Variants in ADAMTS6 observed in about 807,000 individuals in gnomAD.
The protein encoded by ADAMTS6 is A disintegrin and metalloproteinase with thrombospondin motifs 6.
In ADAMTS6, 23 loss-of-function variants were observed where a neutral mutation model predicts 144.3. The ratio of observed to expected loss-of-function variants is 0.16; its 90% confidence interval spans 0.11 to 0.23. ADAMTS6 has a LOEUF of 0.23. Among genes scored for constraint, ADAMTS6 ranks in the 10% least tolerant of loss-of-function variants. ADAMTS6 has a pLI of 1.00. For missense variants in ADAMTS6, 999 were observed against 1,379.6 expected (o/e 0.72, Z 4.37); for synonymous variants, 444 against 457.5 (o/e 0.97, Z 0.38).
intron 7 of ADAMTS6, among the ~76,000 whole-genome samples, chr5:65,431,169 T>C (rs950431232): frequency 2.0e-5 from 3 of 152,166 alleles, no homozygotes; most frequent in Non-Finnish European, 4.4e-5. Context: ...AATTTCCCTA[T>C]TACTTTTTCC....
intron 24 of ADAMTS6, among the ~76,000 whole-genome samples, chr5:65,158,920 C>A (rs1322710581): frequency 6.6e-6 from 1 of 152,056 alleles, no homozygotes; most frequent in Non-Finnish European, 1.5e-5. Context: ...TCTTCAATCT[C>A]TCTCAATTTA....
chr5:65,169,938 A>G (rs1429550057), intron 24 of ADAMTS6, among the ~76,000 whole-genome samples: 4 of 150,984 alleles, frequency 2.6e-5, no homozygotes, highest in Non-Finnish European at 5.9e-5. Context: ...CTAATGCTAG[A>G]TGATGAGTTA....
At chr5:65,243,259 C>CT in intron 14 of ADAMTS6, among the ~76,000 whole-genome samples, 1 of 152,186 alleles carries the variant, frequency 6.6e-6, no homozygotes, top group South Asian at 2.1e-4. Context: ...TGTTTTGAGG[C>CT]TTTTTACTAC....
At chr5:65,418,406 A>G (rs951229523) in intron 7 of ADAMTS6, among the ~76,000 whole-genome samples, 39 of 152,248 alleles carry the variant, frequency 2.6e-4, no homozygotes, top group African/African-American at 9.4e-4. Flanking sequence ...ACAAACAGCA[A>G]AAAAAACTAT....
chr5:65,339,243 T>A (rs1300927737), intron 7 of ADAMTS6, among the ~76,000 whole-genome samples: 1 of 152,084 alleles, frequency 6.6e-6, no homozygotes, highest in Non-Finnish European at 1.5e-5. Context: ...CAAACACCAC[T>A]AATGTGAATT....
At chr5:65,211,273 C>A (rs1756514022) in intron 20 of ADAMTS6, among the ~76,000 whole-genome samples, 1 of 152,146 alleles carries the variant, frequency 6.6e-6, no homozygotes, top group Admixed American at 6.5e-5. Flanking sequence ...GATTCCTGCA[C>A]TCTATATCCT....
intron 2 of ADAMTS6, among the ~76,000 whole-genome samples, 173 bp from the exon 3 acceptor site, chr5:65,471,315 G>A (rs1314681127): frequency 6.6e-6 from 1 of 152,018 alleles, no homozygotes; most frequent in Non-Finnish European, 1.5e-5. Context: ...AAGAATAAAA[G>A]TTTAAAATCT....
At chr5:65,387,758 A>C (rs1752591906) in intron 7 of ADAMTS6, among the ~76,000 whole-genome samples, 1 of 152,214 alleles carries the variant, frequency 6.6e-6, no homozygotes, top group Non-Finnish European at 1.5e-5. Context: ...TTCTGGCCAA[A>C]AAAAAGAAAA....
At chr5:65,318,593 T>A (rs1053168219) in intron 9 of ADAMTS6, among the ~76,000 whole-genome samples, 2 of 152,166 alleles carry the variant, frequency 1.3e-5, no homozygotes, top group African/African-American at 4.8e-5. Flanking sequence ...TGGATGGAAC[T>A]CGAGATCATT....
At chr5:65,185,589 C>T (rs1283521442) in intron 22 of ADAMTS6, among the ~76,000 whole-genome samples, 1 of 152,166 alleles carries the variant, frequency 6.6e-6, no homozygotes, top group African/African-American at 2.4e-5. Context: ...TTTGACTCAG[C>T]CATGTTAAAG....
chr5:65,183,753 A>G (rs1754504746), intron 22 of ADAMTS6, among the ~76,000 whole-genome samples: 1 of 152,200 alleles, frequency 6.6e-6, no homozygotes, highest in Non-Finnish European at 1.5e-5. Flanking sequence ...TTAATTATGA[A>G]TGCTTCGGAG....
intron 7 of ADAMTS6, among the ~76,000 whole-genome samples, chr5:65,371,359 G>A (rs1162360035): frequency 6.6e-6 from 1 of 152,044 alleles, no homozygotes; most frequent in Non-Finnish European, 1.5e-5. Flanking sequence ...AGGCAAAGAA[G>A]TTGAAAACTT....
Position 65,443,043 on chromosome 5 carries a change from T to G in ADAMTS6, c.1073+8432A>C, listed in dbSNP as rs913538476. 9.8e-5 allele frequency among the ~76,000 whole-genome samples: 15 copies of G among 152,316 alleles called. No homozygotes were observed. The East Asian group carries it at 2.3e-3, about 23-fold the overall frequency. ...TTTATGGCTGCATAGTATTCCATGG[T>G]GTATAGGTACCACATTTTCTTTATC... On this transcript the variant is annotated intron_variant, in intron 7 of 24. Transcript: ENST00000381055.
chr5:65,391,410 G>T (rs1222773783), intron 7 of ADAMTS6, among the ~76,000 whole-genome samples: 1 of 140,288 alleles, frequency 7.1e-6, no homozygotes, highest in Non-Finnish European at 1.5e-5. Context: ...CATGTTCTCT[G>T]TGTCTCTCTA....
At chr5:65,289,792 T>A (rs898183113) in intron 11 of ADAMTS6, among the ~76,000 whole-genome samples, 3 of 152,084 alleles carry the variant, frequency 2.0e-5, no homozygotes, top group Non-Finnish European at 4.4e-5. Context: ...AAAACAAAAA[T>A]ATAGATTATT....
rs148112262 is a variant in ADAMTS6 at position 65,329,513 on chromosome 5, C to A, written c.1118-30G>T. The A allele has an allele frequency of 2.6e-4, 409 of 1,579,730 alleles. 3 individuals carry two copies. In the Admixed American group the frequency reaches 7.5e-3, roughly 29 times the overall value. ...ATAAACAGAAAGAGACACAAAGGGT[C>A]AAGCCAAGGTGTTTCAGTCTTTAAA... On this transcript the variant is annotated intron_variant, in intron 8 of 24. Transcript: ENST00000381055.
At chr5:65,263,095 C>G in intron 12 of ADAMTS6, 133 bp from the exon 13 acceptor site, 1 of 1,113,508 alleles carries the variant, frequency 9.0e-7, no homozygotes. Context: ...ACAGATAGTT[C>G]TCTAACTGTG....
At chr5:65,447,506 G>A (rs1758359683) in intron 7 of ADAMTS6, among the ~76,000 whole-genome samples, 1 of 151,880 alleles carries the variant, frequency 6.6e-6, no homozygotes, top group Admixed American at 6.6e-5. Flanking sequence ...AAATACAAAA[G>A]CTTAATAAAG....
chr5:65,271,697 GAAT>G (rs1045350379), intron 12 of ADAMTS6, among the ~76,000 whole-genome samples: 12 of 152,102 alleles, frequency 7.9e-5, no homozygotes, highest in African/African-American at 2.9e-4. Flanking sequence ...TTGATCATGA[GAAT>G]AATAATAAAT....
Sources: allele counts gnomAD v4.1 joint callset (sites outside exome capture counted in the v4.1 genomes callset), GRCh38; gene constraint gnomAD v4.1.1; transcripts MANE v1.5; gene names NCBI Gene and HGNC (gene_info 2026-07-23, HGNC 2026-07-21).